The following SLC25A48 variants were observed in gnomAD, a reference collection of about 807,000 sequenced individuals.
SLC25A48 encodes CTC-321K16.1.
A neutral mutation model predicts 32.2 loss-of-function variants in SLC25A48; 29 were observed. That is an observed-to-expected ratio of 0.90 (90% CI 0.67 to 1.23). SLC25A48 has a LOEUF of 1.23. Among genes scored for constraint, SLC25A48 ranks in the 50% most tolerant of loss-of-function variants. The pLI, the probability that SLC25A48 is intolerant of heterozygous loss-of-function variation, is 0.00. For synonymous variants in SLC25A48, 164 were observed against 172.3 expected, an observed-to-expected ratio of 0.95 and a Z score of 0.38; for missense variants, 399 against 422.7, an observed-to-expected ratio of 0.94 and a Z score of 0.49.
intron 3 of SLC25A48, among the ~76,000 whole-genome samples, chr5:135,754,140 CAGG>C (rs1330629283): frequency 6.6e-6 from 1 of 151,836 alleles, no homozygotes; most frequent in Non-Finnish European, 1.5e-5. Context: ...GGTGTATGCA[CAGG>C]GTGTACCCTT....
intron 3 of SLC25A48, among the ~76,000 whole-genome samples, chr5:135,692,175 G>A (rs1239841608): frequency 3.3e-5 from 5 of 152,104 alleles, no homozygotes; most frequent in Admixed American, 6.5e-5. Flanking sequence ...AAAATCAGCT[G>A]GGTGTGGTGG....
intron 3 of SLC25A48, among the ~76,000 whole-genome samples, chr5:135,707,235 G>A (rs1205360748): frequency 1.3e-5 from 2 of 152,168 alleles, no homozygotes; most frequent in Non-Finnish European, 2.9e-5. Flanking sequence ...CTGAAGGAGG[G>A]CATGTCCCTA....
chr5:135,702,277 G>A (rs1580797682), intron 3 of SLC25A48, among the ~76,000 whole-genome samples: 1 of 152,204 alleles, frequency 6.6e-6, no homozygotes, highest in African/African-American at 2.4e-5. Context: ...AAGTTAAGAC[G>A]AGGTCATGCT....
chr5:135,821,084 G>A lies in SLC25A48; in HGVS notation c.-117+8158G>A, dbSNP rs548341093. ...TCAGGCTGGTTCACCTTCCTGTCCC[G>A]GCACTGAGGCTCAACTCTCCAATCT... On this transcript the variant is annotated intron_variant, in intron 4 of 10. Coordinates refer to the SLC25A48 transcript ENST00000646290. Among the ~76,000 whole-genome samples the A allele has an allele frequency of 7.9e-5, 12 of 152,264 alleles. No homozygotes were observed. The South Asian group carries it at 1.4e-3, about 18-fold the overall frequency.
chr5:135,654,407 C>T (rs1018639753), intron 3 of SLC25A48, among the ~76,000 whole-genome samples: 2 of 152,048 alleles, frequency 1.3e-5, no homozygotes, highest in African/African-American at 4.8e-5. Context: ...GGAAGGAGAA[C>T]CATTATGAGT....
chr5:135,877,752 A>G (rs972461374), intron 6 of SLC25A48, among the ~76,000 whole-genome samples: 7 of 152,114 alleles, frequency 4.6e-5, no homozygotes, highest in African/African-American at 7.2e-5. Context: ...CACTTGGAGA[A>G]CAGTGTGAGG....
chr5:135,851,642 C>T (rs56382048), intron 3 of SLC25A48, among the ~76,000 whole-genome samples: 20,680 of 152,178 alleles, frequency 0.14, 1,845 homozygotes, highest in Middle Eastern at 0.2. Context: ...GGCATCCTGC[C>T]TCTGGCAGCC....
chr5:135,773,028 G>A (rs560007443), intron 3 of SLC25A48, among the ~76,000 whole-genome samples: 2 of 151,348 alleles, frequency 1.3e-5, no homozygotes, highest in African/African-American at 2.4e-5. Context: ...AATATCGCAG[G>A]GGGTGTACAC....
chr5:135,684,957 C>G (rs1161931222), intron 3 of SLC25A48, among the ~76,000 whole-genome samples: 1 of 152,186 alleles, frequency 6.6e-6, no homozygotes, highest in East Asian at 1.9e-4. Context: ...AAACTAGGTA[C>G]ACTTTTCATT....
chr5:135,767,808 T>C (rs1756283047), intron 3 of SLC25A48, among the ~76,000 whole-genome samples: 1 of 151,460 alleles, frequency 6.6e-6, no homozygotes, highest in South Asian at 2.1e-4. Flanking sequence ...GTTCATAATA[T>C]CCACAGAGAA....
intron 7 of SLC25A48, among the ~76,000 whole-genome samples, chr5:135,881,999 C>A (rs113981365): frequency 2.4e-4 from 36 of 152,356 alleles, no homozygotes; most frequent in African/African-American, 6.3e-4. Context: ...CTGTGACCAC[C>A]CTGGTGATTA....
At chr5:135,634,432 C>T (rs1393868812) in intron 2 of SLC25A48, among the ~76,000 whole-genome samples, 1 of 152,180 alleles carries the variant, frequency 6.6e-6, no homozygotes, top group East Asian at 1.9e-4. Flanking sequence ...CATGGGACTC[C>T]TAAGATATGT....
chr5:135,836,959 T>TCCCCCCCCCCCC (rs1300245224), intron 1 of SLC25A48, among the ~76,000 whole-genome samples: 15 of 24,820 alleles, frequency 6.0e-4, no homozygotes, highest in South Asian at 2.0e-3. Flanking sequence ...TTTGATATTA[T>TCCCCCCCCCCCC]CCCCCCCCCC....
At chr5:135,695,698 G>A (rs748544722) in intron 3 of SLC25A48, among the ~76,000 whole-genome samples, 93 of 152,292 alleles carry the variant, frequency 6.1e-4, no homozygotes, top group Middle Eastern at 6.8e-3. Context: ...AGGCGGCTGT[G>A]TTTCTTCTTG....
chr5:135,867,547 A>T lies in SLC25A48; in HGVS notation c.422-3914A>T, dbSNP rs911755284. Among the ~76,000 whole-genome samples the T allele has an allele frequency of 2.6e-5, 4 of 152,248 alleles. No individual in the cohort carries two copies. In the East Asian group the frequency reaches 7.7e-4, roughly 29 times the overall value. On this transcript the variant is annotated intron_variant, in intron 4 of 7. Transcript: ENST00000681962. ...CCCCACAAGCCAGAGAGCACTTAGC[A>T]CCACATGGGCCACTGGCGGAGATTT...
At chr5:135,867,731 C>T (rs1448860457) in intron 4 of SLC25A48, among the ~76,000 whole-genome samples, 2 of 152,188 alleles carry the variant, frequency 1.3e-5, no homozygotes, top group Non-Finnish European at 2.9e-5. Context: ...TGGGCCTCAC[C>T]AATGGTGGTG....
At chr5:135,733,515 A>G (rs1755282218) in intron 3 of SLC25A48, among the ~76,000 whole-genome samples, 1 of 152,162 alleles carries the variant, frequency 6.6e-6, no homozygotes, top group South Asian at 2.1e-4. Context: ...GAGGAAGAAA[A>G]TAGATTTTGG....
intron 1 of SLC25A48, 153 bp downstream of exon 1, chr5:135,835,046 C>T (rs993529117): frequency 9.7e-6 from 9 of 929,664 alleles, no homozygotes; most frequent in African/African-American, 3.3e-5. Context: ...CCGAGATCCC[C>T]CTGGTGGTCT....
chr5:135,861,191 C>T (rs1048838365), intron 4 of SLC25A48, among the ~76,000 whole-genome samples: 12 of 152,074 alleles, frequency 7.9e-5, no homozygotes, highest in African/African-American at 2.9e-4. Flanking sequence ...AATTTCATGT[C>T]CTGTTTTTAA....
Sources: gnomAD v4.1 joint callset for allele counts (sites outside exome capture counted in the v4.1 genomes callset) on GRCh38, gnomAD v4.1.1 for gene constraint, MANE v1.5 for transcripts, NCBI Gene and HGNC (gene_info 2026-07-23, HGNC 2026-07-21) for gene names.